Variants in RAPH1 observed in about 807,000 individuals in gnomAD.
RAPH1 encodes Ras association (RalGDS/AF-6) and pleckstrin homology domains 1, also known as ras-associated and pleckstrin homology domains-containing protein 1.
In RAPH1, 18 loss-of-function variants were observed where a neutral mutation model predicts 88.1. The ratio of observed to expected loss-of-function variants is 0.20; its 90% confidence interval spans 0.14 to 0.30. RAPH1 has a LOEUF of 0.30. Among genes scored for constraint, RAPH1 ranks in the 10% least tolerant of loss-of-function variants. RAPH1 has a pLI of 1.00. For missense variants in RAPH1, 1,448 were observed against 1,543.2 expected (o/e 0.94, Z 1.03); for synonymous variants, 587 against 559.0 (o/e 1.05, Z -0.71).
In RAPH1 at chr2:203,439,646, C is replaced by T. The variant is rs200907977; in HGVS notation, c.3544G>A (p.Gly1182Ser). 12 of 1,614,044 alleles carry T rather than the reference C, an allele frequency of 7.4e-6. No homozygotes were observed. The highest frequency in any genetic ancestry group is 1.7e-5 in the Admixed American group (1 of 60,008). ...CTGGACATGCGGGAGGAGAGTGAGC[C>T]GTGCCGAGTGATGGACTTTCGTTGC... ...TLQRKSITRH[G>S]SLSSRMSRAE... Residue 1182 changes from glycine (G) to serine (S), a missense_variant, in exon 14 of 14, where the codon GGC becomes AGC. By Grantham distance (56) the Gly-to-Ser change is moderately conservative (BLOSUM62 0). Coordinates refer to ENST00000319170, the MANE Select transcript of RAPH1 (RefSeq NM_213589.3).
chr2:203,506,462 G>A (rs902543691), intron 1 of RAPH1, among the ~76,000 whole-genome samples: 1 of 151,646 alleles, frequency 6.6e-6, no homozygotes, highest in African/African-American at 2.4e-5. Context: ...ATCTTGCAGT[G>A]AGCAGAGATC....
chr2:203,494,162 T>G (rs1297230903), intron 2 of RAPH1, among the ~76,000 whole-genome samples: 1 of 152,158 alleles, frequency 6.6e-6, no homozygotes, highest in African/African-American at 2.4e-5. Context: ...AGCTTCCACC[T>G]TGCCCACTTT....
chr2:203,440,070 A>G lies in RAPH1; in HGVS notation c.3120T>C (p.Val1040=), dbSNP rs752939009. Residue 1040 remains valine (V), a synonymous_variant, in exon 14 of 14, where the codon GTT becomes GTC. Coordinates refer to ENST00000319170, the MANE Select transcript of RAPH1 (RefSeq NM_213589.3). ...TTGCTGACACACACCCTTGTTGGAG[A>G]ACTCCAGGAAGGTTGACTCCAGAAA... ...LNLSGVNLPG[V]LQQGCVSAKA... is the part of the protein sequence containing the mutation. The G allele has an allele frequency of 1.9e-6, 3 of 1,613,332 alleles. No individual in the cohort carries two copies. Among genetic ancestry groups the G allele is most frequent in the African/African-American group, 1.3e-5 (1 of 74,792 alleles).
intron 4 of RAPH1, chr2:203,470,144 T>C (rs1381386797): frequency 1.3e-6 from 1 of 754,224 alleles, no homozygotes; most frequent in Admixed American, 2.7e-5. Flanking sequence ...GATGCTAGAG[T>C]AAGAAAATAA....
intron 4 of RAPH1, among the ~76,000 whole-genome samples, chr2:203,486,529 T>C (rs1687980991): frequency 6.6e-6 from 1 of 152,154 alleles, no homozygotes; most frequent in African/African-American, 2.4e-5. Context: ...GCAATGTGTA[T>C]GTAGACTTAA....
intron 2 of RAPH1, among the ~76,000 whole-genome samples, chr2:203,493,947 G>A (rs1688386105): frequency 7.2e-6 from 1 of 139,040 alleles, no homozygotes; most frequent in South Asian, 2.3e-4. Flanking sequence ...CTCCAGCCTG[G>A]GCGACAGGAG....
At chr2:203,478,270 G>A (rs988016464) in intron 4 of RAPH1, among the ~76,000 whole-genome samples, 8 of 151,896 alleles carry the variant, frequency 5.3e-5, no homozygotes, top group South Asian at 4.1e-4. Flanking sequence ...TCCTGACCTC[G>A]TGATCCGCCC....
At chr2:203,488,611 A>C (rs1212664189) in intron 4 of RAPH1, among the ~76,000 whole-genome samples, 3 of 146,356 alleles carry the variant, frequency 2.0e-5, no homozygotes, top group Middle Eastern at 6.9e-3. Flanking sequence ...AAAAAAAAAA[A>C]AAAAAAACCT....
intron 10 of RAPH1, among the ~76,000 whole-genome samples, chr2:203,449,849 C>T (rs1014043476): frequency 1.9e-4 from 29 of 151,954 alleles, no homozygotes; most frequent in African/African-American, 6.8e-4. Context: ...ACGGTGAAAC[C>T]CCGTCTCTAT....
Position 203,439,616 on chromosome 2 carries a change from C to T in RAPH1, c.3574G>A (p.Glu1192Lys). Residue 1192 changes from glutamate (E) to lysine (K), a missense_variant, in exon 14 of 14, where the codon GAA (glutamate) becomes AAA (lysine). Transcript: ENST00000319170. ...GSLSSRMSRAEPTATMDDMAL... is the reference protein window; with the variant it reads ...GSLSSRMSRAKPTATMDDMAL... The stretch of plus-strand genomic sequence containing the variant: ...ATATCATCCATGGTGGCTGTTGGTT[C>T]TGCTCTGGACATGCGGGAGGAGAGT... 6.8e-6 allele frequency: 11 copies of T among 1,614,108 alleles called. No homozygotes were observed. Among genetic ancestry groups the T allele is most frequent in the Non-Finnish European group, 9.3e-6 (11 of 1,180,012 alleles).
intron 4 of RAPH1, among the ~76,000 whole-genome samples, chr2:203,474,928 T>A (rs539260600): frequency 6.6e-6 from 1 of 151,932 alleles, no homozygotes; most frequent in East Asian, 2.0e-4. Context: ...CTGGCCAACA[T>A]GGCAAAACGC....
chr2:203,455,940 C>T (rs1271883710), intron 8 of RAPH1, among the ~76,000 whole-genome samples: 2 of 151,804 alleles, frequency 1.3e-5, no homozygotes, highest in Non-Finnish European at 2.9e-5. Context: ...ACCTGGGAGG[C>T]GGAGATTGCA....
At position 203,457,560 on chromosome 2, in the gene RAPH1, C is replaced by T. The variant is rs1278619479; in HGVS notation, c.1128G>A (p.Met376Ile). ...YLLGKKETAE[M>I]ADRNKEVLLE... The stretch of plus-strand genomic sequence containing the variant: ...AGAGGACTTCTTTGTTTCTATCTGC[C>T]ATCTCAGCTGTTTCTTTTTTCCCCA... Residue 376 changes from methionine (M) to isoleucine (I), a missense_variant, in exon 8 of 14, where the codon ATG becomes ATA. Transcript: ENST00000319170. The T allele has an allele frequency of 1.2e-6, 2 of 1,612,652 alleles. No individual in the cohort carries two copies. The highest frequency in any genetic ancestry group is 2.7e-5 in the African/African-American group (2 of 74,860).
intron 4 of RAPH1, among the ~76,000 whole-genome samples, chr2:203,482,093 G>A (rs1259105984): frequency 6.6e-6 from 1 of 152,018 alleles, no homozygotes; most frequent in African/African-American, 2.4e-5. Context: ...TATTGGGGGG[G>A]TTTATTTGAA....
At chr2:203,508,574 T>C (rs188743280) in intron 1 of RAPH1, among the ~76,000 whole-genome samples, 7 of 152,248 alleles carry the variant, frequency 4.6e-5, no homozygotes, top group East Asian at 3.9e-4. Context: ...TCCATATACG[T>C]AGGTTTCACA....
chr2:203,441,444 G>GAA (rs1398279618), intron 13 of RAPH1, 31 bp from the exon 14 acceptor site: 1 of 1,500,952 alleles, frequency 6.7e-7, no homozygotes, highest in Non-Finnish European at 8.9e-7. Flanking sequence ...GAGTGGGAGA[G>GAA]AGAAAAACAC....
chr2:203,527,607 T>A (rs1396750440), intron 1 of RAPH1, among the ~76,000 whole-genome samples: 1 of 152,012 alleles, frequency 6.6e-6, no homozygotes, highest in Non-Finnish European at 1.5e-5. Context: ...GAGACCAGCC[T>A]GACCAACACA....
At chr2:203,506,770 C>CTATATATATCGA (rs1689040032) in intron 1 of RAPH1, among the ~76,000 whole-genome samples, 1 of 99,064 alleles carries the variant, frequency 1.0e-5, no homozygotes, top group African/African-American at 5.0e-5. Context: ...ATATATATAT[C>CTATATATATCGA]TATATATATC....
At position 203,448,451 on chromosome 2, in the gene RAPH1, T is replaced by C. The variant is rs12469529; in HGVS notation, c.1512+287A>G. ...AAAACTTACTTTGCTTAGGCTAAAC[T>C]CTACTATTTAAGAATCATATAATGC... On this transcript the variant is annotated intron_variant, in intron 11 of 13. Coordinates refer to ENST00000319170, the MANE Select transcript of RAPH1 (RefSeq NM_213589.3). The surrounding 1 kb of genome is among the most constrained non-coding windows in gnomAD (Gnocchi z 4.1). Among the ~76,000 whole-genome samples the C allele has an allele frequency of 4.6e-5, 7 of 152,312 alleles. No individual in the cohort carries two copies. The highest frequency in any genetic ancestry group is 4.6e-4 in the Admixed American group (7 of 15,290).
Sources: allele counts gnomAD v4.1 joint callset (sites outside exome capture counted in the v4.1 genomes callset), GRCh38; gene constraint gnomAD v4.1.1; non-coding constraint Gnocchi (gnomAD v3.1); transcripts MANE v1.5; gene names NCBI Gene and HGNC (gene_info 2026-07-23, HGNC 2026-07-21).